The following ZNF34 variants were observed in gnomAD, a reference collection of about 807,000 sequenced individuals.
ZNF34 encodes zinc finger protein 34, also known as zinc finger protein 34 (KOX 32).
A neutral mutation model predicts 14.4 loss-of-function variants in ZNF34; 8 were observed. That is an observed-to-expected ratio of 0.55 (90% CI 0.33 to 1.00). The LOEUF (loss-of-function observed/expected upper bound fraction) is 1.00. Ranked by LOEUF, ZNF34 falls within the 50% of genes least tolerant of loss-of-function variation. The probability of loss-of-function intolerance (pLI) is 0.03; values close to 1 mark genes in which losing one functional copy is unlikely to be tolerated. For synonymous variants in ZNF34, 235 were observed against 247.9 expected (o/e 0.95, Z 0.49); for missense variants, 538 against 674.2 (o/e 0.80, Z 2.24).
intron 1 of ZNF34, among the ~76,000 whole-genome samples, chr8:144,786,825 G>A (rs1221558577): frequency 1.3e-5 from 2 of 151,988 alleles, no homozygotes; most frequent in Non-Finnish European, 2.9e-5. Context: ...GACGCTAAAG[G>A]CAGGAGGGGC....
At chr8:144,782,105 C>T (rs890531502) in intron 1 of ZNF34, among the ~76,000 whole-genome samples, 9 of 152,094 alleles carry the variant, frequency 5.9e-5, no homozygotes, top group South Asian at 4.2e-4. Flanking sequence ...GGGTGGATCA[C>T]GAGGTCAAGA....
intron 1 of ZNF34, among the ~76,000 whole-genome samples, chr8:144,783,481 A>C (rs542992584): frequency 5.3e-5 from 8 of 152,216 alleles, no homozygotes; most frequent in Non-Finnish European, 8.8e-5. Flanking sequence ...AAAATCCAAG[A>C]GTTATCAATC....
At position 144,774,536 on chromosome 8, in the gene ZNF34, C is replaced by A. The variant is rs747107185; in HGVS notation, c.350G>T (p.Gly117Val). The A allele has an allele frequency of 6.2e-7, 1 of 1,613,964 alleles. No homozygotes were observed. The highest frequency in any genetic ancestry group is 8.5e-7 in the Non-Finnish European group (1 of 1,179,896). Reference sequence around the variant, plus strand: ...GTCACAGGCTTCTACTGGCTCAGATCCCTGGGGATCTTCCTCACCAAATGT... The same window carrying A: ...GTCACAGGCTTCTACTGGCTCAGATACCTGGGGATCTTCCTCACCAAATGT... Reference protein sequence around the residue: ...QETFGEEDPQGSEPVEACDHI... With the variant: ...QETFGEEDPQVSEPVEACDHI... The change falls in exon 6 of 6, where the codon GGA becomes GTA. Residue 117 changes from glycine to valine, a missense_variant. Transcript: ENST00000429371.
chr8:144,779,360 T>G lies in ZNF34; in HGVS notation c.-54-835A>C, dbSNP rs1586734054. 6.6e-6 allele frequency among the ~76,000 whole-genome samples: 1 copy of G among 152,168 alleles called. No individual in the cohort carries two copies. The highest frequency in any genetic ancestry group is 1.5e-5 in the Non-Finnish European group (1 of 68,024). ...ATGCACCGCTACCTTTCTATCCCCATGTCCTCATGTCCTCACCTGTCTACC... is the reference window on the plus strand; with the variant it reads ...ATGCACCGCTACCTTTCTATCCCCAGGTCCTCATGTCCTCACCTGTCTACC... On this transcript the variant is annotated intron_variant, in intron 2 of 5. Transcript: ENST00000429371. This position sits in a 1 kb window ranked among gnomAD's most constrained non-coding sequence, Gnocchi z 4.1.
At chr8:144,782,727 C>T (rs1233348778) in intron 1 of ZNF34, among the ~76,000 whole-genome samples, 2 of 150,578 alleles carry the variant, frequency 1.3e-5, no homozygotes, top group Non-Finnish European at 3.0e-5. Flanking sequence ...GTCCCAGCTA[C>T]TTGGGAGGCT....
chr8:144,778,207 T>A (rs769403290), intron 3 of ZNF34, 43 bp from the exon 4 acceptor site: 1 of 1,587,970 alleles, frequency 6.3e-7, no homozygotes, highest in Non-Finnish European at 8.6e-7. Flanking sequence ...TGGTCCAGAG[T>A]GGGCTGGTAG....
chr8:144,781,503 G>A (rs759667416), intron 1 of ZNF34, among the ~76,000 whole-genome samples: 12 of 151,948 alleles, frequency 7.9e-5, no homozygotes, highest in Non-Finnish European at 1.3e-4. Flanking sequence ...TGATCTGCCC[G>A]CCTTGGCCTC....
At position 144,773,331 on chromosome 8, in the gene ZNF34, A is replaced by T. The variant is rs1825277494; in HGVS notation, c.1555T>A (p.Phe519Ile). 6.2e-7 allele frequency: 1 copy of T among 1,614,038 alleles called. No individual in the cohort carries two copies. The highest frequency in any genetic ancestry group is 1.3e-5 in the African/African-American group (1 of 74,940). ...TGACACATGTTGGAACTGTGCCGGA[A>T]GGCCTTCCCACACTCGCTGCACTTG... is the stretch of plus-strand genomic sequence containing the variant. ...PYKCSECGKAFRHSSNMCQHQ... is the reference protein window; with the variant it reads ...PYKCSECGKAIRHSSNMCQHQ... Residue 519 changes from phenylalanine (F) to isoleucine (I), a missense_variant, in exon 6 of 6, where the codon TTC (phenylalanine) becomes ATC (isoleucine). This residue lies in a region of ZNF34 where 101 missense variants were observed against 123.1 expected (regional missense o/e 0.82). Transcript: ENST00000429371. This position sits in a 1 kb window ranked among gnomAD's most constrained non-coding sequence, Gnocchi z 5.4.
chr8:144,782,278 C>A (rs2130298536), intron 1 of ZNF34, among the ~76,000 whole-genome samples: 1 of 152,104 alleles, frequency 6.6e-6, no homozygotes, highest in Non-Finnish European at 1.5e-5. Context: ...GCCGAGATCG[C>A]ACCACTGCAC....
chr8:144,783,296 T>A (rs1481971697), intron 1 of ZNF34, among the ~76,000 whole-genome samples: 1 of 152,148 alleles, frequency 6.6e-6, no homozygotes, highest in African/African-American at 2.4e-5. Flanking sequence ...AGAGGACACA[T>A]TAGAAGCACT....
rs1330576268 is a variant in ZNF34 at position 144,773,557 on chromosome 8, C to T, written c.1329G>A (p.Gln443=). 3.1e-6 allele frequency: 5 copies of T among 1,613,924 alleles called. No individual in the cohort carries two copies. Among genetic ancestry groups the T allele is most frequent in the Non-Finnish European group, 4.2e-6 (5 of 1,179,968 alleles). The part of the protein sequence containing the change: ...KVFSQSTHLI[Q]HQRIHTGEKP... ...TCTCTCCTGTGTGGATTCTCTGGTG[C>T]TGGATGAGGTGTGTGCTTTGGCTGA... Residue 443 remains glutamine, a synonymous_variant, in exon 6 of 6, where the codon CAG becomes CAA. Coordinates refer to ENST00000429371, the MANE Select transcript of ZNF34 (RefSeq NM_001286769.2). The surrounding 1 kb of genome is among the most constrained non-coding windows in gnomAD (Gnocchi z 5.4).
chr8:144,783,358 C>T (rs567893889), intron 1 of ZNF34, among the ~76,000 whole-genome samples: 1 of 152,204 alleles, frequency 6.6e-6, no homozygotes, highest in African/African-American at 2.4e-5. Flanking sequence ...TGCTGCTATT[C>T]AACATCCTAG....
chr8:144,783,754 T>C (rs894457500), intron 1 of ZNF34, among the ~76,000 whole-genome samples: 2 of 152,206 alleles, frequency 1.3e-5, no homozygotes, highest in African/African-American at 4.8e-5. Flanking sequence ...CATAAAGATA[T>C]CAATTATCCC....
In ZNF34 at chr8:144,773,208, C is replaced by T. The variant is rs1181752243; in HGVS notation, c.*58G>A. 18 of 1,520,392 alleles carry T rather than the reference C, an allele frequency of 1.2e-5. No homozygotes were observed. Among genetic ancestry groups the T allele is most frequent in the Non-Finnish European group, 1.5e-5 (17 of 1,130,710 alleles). 94.2% of individuals were successfully genotyped at this position (1,520,392 alleles called of 1,614,324 possible). On this transcript the variant is annotated 3_prime_UTR_variant, in exon 6 of 6. Transcript: ENST00000429371. This position sits in a 1 kb window ranked among gnomAD's most constrained non-coding sequence, Gnocchi z 5.4. ...AATACATAAAGGGCAGAGTCAGGTG[C>T]CGGGGGCGCATGCAGGAAGTGCTCA...
intron 1 of ZNF34, among the ~76,000 whole-genome samples, chr8:144,782,543 G>A (rs1254846642): frequency 2.0e-5 from 3 of 148,988 alleles, no homozygotes; most frequent in Admixed American, 6.7e-5. Context: ...GAATAAGAAA[G>A]TAACTCAAGG....
rs1457228138 is a variant in ZNF34, at chr8:144,777,850, G to A, written c.160+188C>T. On this transcript the variant is annotated intron_variant, in intron 4 of 5. Coordinates refer to ENST00000429371, the MANE Select transcript of ZNF34 (RefSeq NM_001286769.2). This position sits in a 1 kb window ranked among gnomAD's most constrained non-coding sequence, Gnocchi z 4.8. ...GGTCTGCCTGGGACCTGGGGCGAGA[G>A]GGAAGGGAAGGGCTGACTCAGGAAG... Among the ~76,000 whole-genome samples the A allele has an allele frequency of 2.6e-5, 4 of 152,120 alleles. No homozygotes were observed. The highest frequency in any genetic ancestry group is 5.9e-5 in the Non-Finnish European group (4 of 67,994).
At position 144,773,871 on chromosome 8, in the gene ZNF34, C is replaced by T; in HGVS notation, c.1015G>A (p.Glu339Lys). The stretch of plus-strand genomic sequence containing the variant: ...CAGTCATTACATTTATAGGGTTTCT[C>T]TCCGGTGTGGATTCTCTGGTGATAA... ...LIYHQRIHTG[E>K]KPYKCNDCGK... The change falls in exon 6 of 6, where the codon GAG becomes AAG. Residue 339 changes from glutamate to lysine, a missense_variant. Transcript: ENST00000429371. This position sits in a 1 kb window ranked among gnomAD's most constrained non-coding sequence, Gnocchi z 5.4. 1 of 1,614,194 alleles carries T rather than the reference C, an allele frequency of 6.2e-7. No individual in the cohort carries two copies. The highest frequency in any genetic ancestry group is 8.5e-7 in the Non-Finnish European group (1 of 1,180,030).
Position 144,773,211 on chromosome 8 carries a change from G to A in ZNF34, c.*55C>T, listed in dbSNP as rs1419468745. The A allele has an allele frequency of 6.5e-7, 1 of 1,528,046 alleles. No homozygotes were observed. The highest frequency in any genetic ancestry group is 8.8e-7 in the Non-Finnish European group (1 of 1,134,818). 94.7% of individuals were successfully genotyped at this position (1,528,046 alleles called of 1,614,324 possible). A position where few individuals can be genotyped will look rare whatever the true frequency, so the allele number is the denominator to read the frequency against. ...ACATAAAGGGCAGAGTCAGGTGCCG[G>A]GGGCGCATGCAGGAAGTGCTCAGCT... On this transcript the variant is annotated 3_prime_UTR_variant, in exon 6 of 6. Transcript: ENST00000429371. The surrounding 1 kb of genome is among the most constrained non-coding windows in gnomAD (Gnocchi z 5.4).
At position 144,777,391 on chromosome 8, in the gene ZNF34, A is replaced by G. The variant is rs899523983; in HGVS notation, c.280+67T>C. On this transcript the variant is annotated intron_variant, in intron 5 of 5. Coordinates refer to ENST00000429371, the MANE Select transcript of ZNF34 (RefSeq NM_001286769.2). This position sits in a 1 kb window ranked among gnomAD's most constrained non-coding sequence, Gnocchi z 4.8. ...CCCACAAACTCCTGATTCATTAATC[A>G]GACACCCTGGACCCCAATAAAGGCT... The G allele has an allele frequency of 5.3e-6, 8 of 1,518,594 alleles. No homozygotes were observed. The highest frequency in any genetic ancestry group is 7.1e-6 in the Non-Finnish European group (8 of 1,127,306). The allele number at this position is 1,518,594 out of a possible 1,614,324, so 94.1% of individuals were successfully genotyped here.
Sources: allele counts gnomAD v4.1 joint callset (sites outside exome capture counted in the v4.1 genomes callset), GRCh38; gene constraint gnomAD v4.1.1; regional missense constraint gnomAD v4.1.1; non-coding constraint Gnocchi (gnomAD v3.1); transcripts MANE v1.5; gene names NCBI Gene and HGNC (gene_info 2026-07-23, HGNC 2026-07-21).